The following HAL variants were observed in gnomAD, a reference collection of about 807,000 sequenced individuals.
HAL encodes histidine ammonia-lyase.
A neutral mutation model predicts 81.1 loss-of-function variants in HAL; 85 were observed. That is an observed-to-expected ratio of 1.05 (90% CI 0.88 to 1.25). HAL has a LOEUF of 1.25. Among genes scored for constraint, HAL ranks in the 50% most tolerant of loss-of-function variants. HAL has a pLI of 0.00. For synonymous variants in HAL, 301 were observed against 309.2 expected (o/e 0.97, Z 0.28); for missense variants, 798 against 836.6 (o/e 0.95, Z 0.57).
intron 12 of HAL, 38 bp from the exon 13 acceptor site, chr12:95,986,198 A>G (rs1565990152): frequency 8.2e-7 from 1 of 1,213,452 alleles, no homozygotes; most frequent in Admixed American, 1.7e-5. Context: ...GAATAATTCC[A>G]TTTATTTATT....
chr12:95,974,459 C>T (rs774656786), intron 20 of HAL, 87 bp from the exon 21 acceptor site: 17 of 1,184,578 alleles, frequency 1.4e-5, no homozygotes, highest in Non-Finnish European at 1.6e-5. Context: ...GAAGTCAAAA[C>T]ATACTCTATA....
rs767886146 is a variant in HAL, at chr12:95,980,734, C to A, written c.1354-13G>T. 4.5e-5 allele frequency: 73 copies of A among 1,612,380 alleles called. No individual in the cohort carries two copies. The highest frequency in any genetic ancestry group is 5.8e-5 in the Non-Finnish European group (68 of 1,178,506). ...AGTAGTCTAGGGCCTGAAAGAGGGT[C>A]TCCATTTAGTCAGCCTATATTGAAA... On this transcript the variant is annotated splice_polypyrimidine_tract_variant and intron_variant, in intron 16 of 20. Transcript: ENST00000261208.
At chr12:95,990,323 G>A (rs1219823542) in intron 10 of HAL, 70 bp downstream of exon 10, 12 of 1,257,274 alleles carry the variant, frequency 9.5e-6, no homozygotes, top group African/African-American at 4.4e-5. Flanking sequence ...TAGGTGATAC[G>A]AAGCATGCAA....
intron 14 of HAL, 23 bp downstream of exon 14, chr12:95,985,885 C>T: frequency 1.1e-5 from 14 of 1,224,524 alleles, no homozygotes; most frequent in African/African-American, 3.0e-5. Context: ...TTTTATTGAC[C>T]TTTTTTTTTT....
At chr12:95,986,205 T>G (rs1487573803) in intron 12 of HAL, 45 bp from the exon 13 acceptor site, 1 of 1,184,080 alleles carries the variant, frequency 8.4e-7, no homozygotes, top group African/African-American at 1.5e-5. Flanking sequence ...TCCATTTATT[T>G]ATTTTTTTTA....
chr12:95,990,179 T>C (rs1949950988), intron 10 of HAL: 1 of 617,690 alleles, frequency 1.6e-6, no homozygotes, highest in Admixed American at 2.3e-5. Flanking sequence ...ACCAAGGTGA[T>C]GACCAAACCC....
chr12:95,994,207 T>G (rs926691809), intron 4 of HAL, 43 bp from the exon 5 acceptor site: 2 of 1,365,070 alleles, frequency 1.5e-6, no homozygotes, highest in African/African-American at 1.4e-5. Flanking sequence ...AACAGCTTGA[T>G]TATTCTAACC....
intron 17 of HAL, among the ~76,000 whole-genome samples, chr12:95,979,234 G>A (rs2080762627): frequency 6.6e-6 from 1 of 152,138 alleles, no homozygotes; most frequent in South Asian, 2.1e-4. Context: ...ACGTTATTGT[G>A]AGAAATTTCT....
rs923763674 is a variant in HAL at position 95,973,692 on chromosome 12, T to C, written c.*540A>G. On this transcript the variant is annotated 3_prime_UTR_variant, in exon 21 of 21. Transcript: ENST00000261208. ...CTACTCTTTACTATGATCCAATTAA[T>C]AGAAGAAAAAAGCAGCTTAAGGACA... is the stretch of plus-strand genomic sequence containing the variant. 1.9e-5 allele frequency: 3 copies of C among 157,074 alleles called. No individual in the cohort carries two copies. Among genetic ancestry groups the C allele is most frequent in the African/African-American group, 4.8e-5 (2 of 41,384 alleles). 9.7% of individuals were successfully genotyped at this position (157,074 alleles called of 1,614,324 possible).
intron 20 of HAL, among the ~76,000 whole-genome samples, chr12:95,975,399 C>T (rs187373002): frequency 2.0e-5 from 3 of 149,184 alleles, no homozygotes; most frequent in Middle Eastern, 3.5e-3. Flanking sequence ...AGGCCCTGGA[C>T]GGGCATGGTG....
chr12:95,996,023 T>C, intron 1 of HAL, 32 bp from the exon 2 acceptor site: 2 of 979,076 alleles, frequency 2.0e-6, no homozygotes, highest in Admixed American at 2.0e-5. Context: ...TTCAAACCAC[T>C]CCCCCTCCTT....
chr12:95,977,892 G>T (rs3764038), intron 18 of HAL, 52 bp downstream of exon 18: 1 of 1,600,148 alleles, frequency 6.2e-7, no homozygotes, highest in Non-Finnish European at 8.6e-7. Flanking sequence ...TGAGAACCAC[G>T]GGCACAGTGG....
intron 14 of HAL, among the ~76,000 whole-genome samples, chr12:95,985,109 A>C (rs1483445518): frequency 6.6e-6 from 1 of 152,228 alleles, no homozygotes; most frequent in Non-Finnish European, 1.5e-5. Flanking sequence ...TATATTGCCC[A>C]TAAAATGCAA....
intron 15 of HAL, among the ~76,000 whole-genome samples, chr12:95,981,091 C>A (rs562486140): frequency 6.6e-6 from 1 of 152,174 alleles, no homozygotes; most frequent in African/African-American, 2.4e-5. Flanking sequence ...AAACATGAAC[C>A]TTGAAATGAT....
chr12:95,980,198 A>G (rs2080774076), intron 17 of HAL, among the ~76,000 whole-genome samples: 1 of 151,944 alleles, frequency 6.6e-6, no homozygotes, highest in Non-Finnish European at 1.5e-5. Context: ...TTCAAGTTTC[A>G]CCATTAACTA....
At position 95,996,186 on chromosome 12, in the gene HAL, G is replaced by T. The variant is rs1383166193; in HGVS notation, c.-190C>A. 9 of 468,614 alleles carry T rather than the reference G, an allele frequency of 1.9e-5. No homozygotes were observed. In the East Asian group the frequency reaches 3.7e-4, roughly 19 times the overall value. The allele number at this position is 468,614 out of a possible 1,614,324, so 29.0% of individuals were successfully genotyped here. On this transcript the variant is annotated 5_prime_UTR_variant, in exon 1 of 21. Transcript: ENST00000261208. ...AGACCTGCTGCCAGAAAGGCCTGGG[G>T]TCTCCCACCCTGGGAGGTGCTGTTC...
chr12:95,983,906 G>C lies in HAL; in HGVS notation c.1287+5C>G, dbSNP rs931748821. On this transcript the variant is annotated splice_donor_5th_base_variant and intron_variant, in intron 15 of 20. Coordinates refer to ENST00000261208, the MANE Select transcript of HAL (RefSeq NM_002108.4). ...ATTGCAGGTTAGTATACAATCAAAA[G>C]ATACAGGATTATCTGTTGCGCTGTT... The C allele has an allele frequency of 4.1e-6, 6 of 1,450,552 alleles. No individual in the cohort carries two copies. Among genetic ancestry groups the C allele is most frequent in the African/African-American group, 1.4e-5 (1 of 71,856 alleles). 89.9% of individuals were successfully genotyped at this position (1,450,552 alleles called of 1,614,324 possible).
chr12:95,976,771 T>C (rs1474695924), intron 18 of HAL, 65 bp from the exon 19 acceptor site: 2 of 1,031,020 alleles, frequency 1.9e-6, no homozygotes, highest in East Asian at 2.4e-5. Flanking sequence ...GGAATGTGGA[T>C]TTCCCAAAGT....
intron 9 of HAL, among the ~76,000 whole-genome samples, chr12:95,992,118 C>T (rs532679285): frequency 1.6e-3 from 244 of 152,262 alleles, no homozygotes; most frequent in African/African-American, 5.8e-3. Context: ...TTTTCCTATC[C>T]AAGAAGAAAG....
Sources: allele counts gnomAD v4.1 joint callset (sites outside exome capture counted in the v4.1 genomes callset), GRCh38; gene constraint gnomAD v4.1.1; transcripts MANE v1.5; gene names NCBI Gene and HGNC (gene_info 2026-07-23, HGNC 2026-07-21).